The following ACSF2 variants were observed in gnomAD, a reference collection of about 807,000 sequenced individuals.
ACSF2 encodes acyl-CoA synthetase family member 2.
In ACSF2, 52 loss-of-function variants were observed where a neutral mutation model predicts 79.3. The observed-to-expected ratio is 0.66, with a 90% CI of 0.53 to 0.83. ACSF2 has a LOEUF of 0.83. Ranked by LOEUF, ACSF2 falls within the 40% of genes least tolerant of loss-of-function variation. ACSF2 has a pLI of 0.00. For missense variants in ACSF2, 661 were observed against 803.3 expected (o/e 0.82, Z 2.14); for synonymous variants, 283 against 312.6 (o/e 0.91, Z 1.00).
intron 1 of ACSF2, among the ~76,000 whole-genome samples, chr17:50,431,909 C>A (rs77472305): frequency 6.6e-6 from 1 of 151,186 alleles, no homozygotes; most frequent in Non-Finnish European, 1.5e-5. Context: ...TTTTTTCTTT[C>A]TTTCTTTTTT....
chr17:50,442,642 T>A (rs1325282783), intron 1 of ACSF2, among the ~76,000 whole-genome samples: 1 of 152,006 alleles, frequency 6.6e-6, no homozygotes, highest in African/African-American at 2.4e-5. Context: ...ATTTTTAATT[T>A]TTTTGTAGAG....
chr17:50,467,510 T>G lies in ACSF2; in HGVS notation c.1215+3216T>G, dbSNP rs1372402824. 2.0e-5 allele frequency among the ~76,000 whole-genome samples: 3 copies of G among 152,154 alleles called. No individual in the cohort carries two copies. In the South Asian group the frequency reaches 6.2e-4, roughly 32 times the overall value. ...GGGCCTCTATGGGGCATGGAGAATG[T>G]CTTCCTCAGGCATTTGCTTCCCCTC... On this transcript the variant is annotated intron_variant, in intron 10 of 15. Coordinates refer to ENST00000300441, the MANE Select transcript of ACSF2 (RefSeq NM_025149.6).
intron 1 of ACSF2, among the ~76,000 whole-genome samples, chr17:50,444,623 TTCTC>T (rs1389416420): frequency 7.6e-6 from 1 of 131,122 alleles, no homozygotes; most frequent in Non-Finnish European, 1.6e-5. Flanking sequence ...GCCCCCGAGT[TTCTC>T]TCTCTGCAAA....
At chr17:50,470,548 G>A (rs2033066393) in intron 10 of ACSF2, among the ~76,000 whole-genome samples, 1 of 152,078 alleles carries the variant, frequency 6.6e-6, no homozygotes, top group South Asian at 2.1e-4. Flanking sequence ...TGCGGGGGTG[G>A]GGTTGTGTCT....
At chr17:50,459,841 C>T (rs774876151) in intron 1 of ACSF2, among the ~76,000 whole-genome samples, 8 of 152,154 alleles carry the variant, frequency 5.3e-5, no homozygotes, top group Non-Finnish European at 1.0e-4. Context: ...AGCCAGGTCC[C>T]GAGCTGGCTG....
chr17:50,426,491 C>G, intron 1 of ACSF2, 102 bp downstream of exon 1: 1 of 1,251,060 alleles, frequency 8.0e-7, no homozygotes, highest in Non-Finnish European at 1.0e-6. Flanking sequence ...GACGAGTGCA[C>G]TGGGGGGAAG....
At chr17:50,427,581 C>T (rs1915115212) in intron 1 of ACSF2, among the ~76,000 whole-genome samples, 1 of 152,064 alleles carries the variant, frequency 6.6e-6, no homozygotes, top group Admixed American at 6.6e-5. Context: ...TTAAGCCTCT[C>T]CTCTGGACTC....
rs1331854655 is a variant in ACSF2, at chr17:50,462,458, C to T, written c.665C>T (p.Pro222Leu). 2 of 1,609,722 alleles carry T rather than the reference C, an allele frequency of 1.2e-6. No individual in the cohort carries two copies. The highest frequency in any genetic ancestry group is 1.7e-6 in the Non-Finnish European group (2 of 1,178,300). Reference protein sequence around the residue: ...DLTTVISVDAPLPGTLLLDEV... With the variant: ...DLTTVISVDALLPGTLLLDEV... ...ACCACAGTCATCTCGGTGGATGCCCCTTTGCCGGGGACCCTGCTCCTGGAT... is the reference window on the plus strand; with the variant it reads ...ACCACAGTCATCTCGGTGGATGCCCTTTTGCCGGGGACCCTGCTCCTGGAT... Residue 222 changes from proline (P) to leucine (L), a missense_variant, in exon 6 of 16, where the codon CCT becomes CTT. By Grantham distance (98) the Pro-to-Leu change is moderately conservative. Coordinates refer to ENST00000300441, the MANE Select transcript of ACSF2 (RefSeq NM_025149.6).
chr17:50,462,036 C>A, intron 4 of ACSF2, 148 bp from the exon 5 acceptor site: 1 of 685,676 alleles, frequency 1.5e-6, no homozygotes, highest in Non-Finnish European at 2.5e-6. Flanking sequence ...GTGCATTTGT[C>A]TTGGAGTGTG....
intron 10 of ACSF2, among the ~76,000 whole-genome samples, chr17:50,469,714 T>G (rs1598434976): frequency 6.6e-6 from 1 of 151,978 alleles, no homozygotes; most frequent in African/African-American, 2.4e-5. Flanking sequence ...ACCCTAGTGG[T>G]CAGGACCCGC....
At chr17:50,443,659 G>A (rs926576723) in intron 1 of ACSF2, among the ~76,000 whole-genome samples, 19 of 152,112 alleles carry the variant, frequency 1.2e-4, no homozygotes, top group African/African-American at 3.9e-4. Flanking sequence ...GGCCAGGCTG[G>A]GGGGCATGCT....
Position 50,473,887 on chromosome 17 carries a change from C to G in ACSF2, c.1618-7C>G. ...TGATGTCTGATATTTTTCTTTGGCC[C>G]TGGAAGGTGGTGGGAGTGAAGGACG... On this transcript the variant is annotated splice_region_variant and splice_polypyrimidine_tract_variant and intron_variant, in intron 13 of 15. Coordinates refer to ENST00000300441, the MANE Select transcript of ACSF2 (RefSeq NM_025149.6). 1 of 1,601,690 alleles carries G rather than the reference C, an allele frequency of 6.2e-7. No homozygotes were observed. Among genetic ancestry groups the G allele is most frequent in the South Asian group, 1.1e-5 (1 of 89,850 alleles).
At chr17:50,439,851 G>A (rs577927761) in intron 1 of ACSF2, among the ~76,000 whole-genome samples, 28 of 152,258 alleles carry the variant, frequency 1.8e-4, no homozygotes, top group South Asian at 4.1e-4. Flanking sequence ...AGAGTATCTC[G>A]TTGTGGTTTT....
chr17:50,456,519 G>T (rs1201940393), intron 1 of ACSF2, among the ~76,000 whole-genome samples: 1 of 151,778 alleles, frequency 6.6e-6, no homozygotes, highest in African/African-American at 2.4e-5. Flanking sequence ...GATCACCTGA[G>T]GTCGGGAGTT....
chr17:50,464,249 G>A lies in ACSF2; in HGVS notation c.1170G>A (p.Glu390=), dbSNP rs1567857873. Residue 390 remains glutamate, a synonymous_variant, in exon 10 of 16, where the codon GAG becomes GAA. Transcript: ENST00000300441. The part of the protein sequence containing the change: ...GVIAGSPAPP[E]LIRAIINKIN... ...TTGCTGGGTCCCCTGCACCTCCAGA[G>A]TTGATCCGAGCCATCATCAACAAGA... The A allele has an allele frequency of 6.2e-7, 1 of 1,614,190 alleles. No homozygotes were observed. Among genetic ancestry groups the A allele is most frequent in the East Asian group, 2.2e-5 (1 of 44,878 alleles).
chr17:50,461,727 G>C, intron 4 of ACSF2, 41 bp downstream of exon 4: 4 of 1,610,308 alleles, frequency 2.5e-6, no homozygotes, highest in Middle Eastern at 3.3e-4. Context: ...CTGGGGCCTG[G>C]CACAGGGGGC....
intron 1 of ACSF2, among the ~76,000 whole-genome samples, chr17:50,440,098 T>C (rs8073548): frequency 0.24 from 36,990 of 152,176 alleles, 5,009 homozygotes; most frequent in Non-Finnish European, 0.31. Flanking sequence ...ATGATGTATG[T>C]TTCTCTGTGG....
chr17:50,435,542 G>A (rs984126378), intron 1 of ACSF2, among the ~76,000 whole-genome samples: 5 of 150,834 alleles, frequency 3.3e-5, no homozygotes, highest in African/African-American at 7.3e-5. Context: ...TTCCAAGTAC[G>A]TAGGACTATG....
chr17:50,444,147 G>A (rs1477097294), intron 1 of ACSF2, among the ~76,000 whole-genome samples: 2 of 152,174 alleles, frequency 1.3e-5, no homozygotes, highest in African/African-American at 2.4e-5. Flanking sequence ...ATTTATTACA[G>A]TATCAGACAG....
Sources: allele counts gnomAD v4.1 joint callset (sites outside exome capture counted in the v4.1 genomes callset), GRCh38; gene constraint gnomAD v4.1.1; transcripts MANE v1.5; gene names NCBI Gene and HGNC (gene_info 2026-07-23, HGNC 2026-07-21).